ASAH2: variants seen among roughly 807,000 people sequenced by gnomAD.
The protein encoded by ASAH2 is neutral ceramidase.
In ASAH2, 58 loss-of-function variants were observed where a neutral mutation model predicts 82.9. The observed-to-expected ratio is 0.70, with a 90% CI of 0.57 to 0.87. The LOEUF (loss-of-function observed/expected upper bound fraction) is 0.87, where lower values mean the gene tolerates loss of function less well. Ranked by LOEUF, ASAH2 falls within the 40% of genes least tolerant of loss-of-function variation. ASAH2 has a pLI of 0.00. For synonymous variants in ASAH2, 276 were observed against 289.7 expected (o/e 0.95, Z 0.48); for missense variants, 779 against 834.0 (o/e 0.93, Z 0.81).
intron 7 of ASAH2, among the ~76,000 whole-genome samples, chr10:50,230,149 C>A (rs1273855005): frequency 2.6e-5 from 4 of 152,072 alleles, no homozygotes; most frequent in African/African-American, 4.8e-5. Context: ...TACATCATTC[C>A]AAGGAAGTAT....
At chr10:50,198,597 G>A (rs1159382763) in intron 17 of ASAH2, among the ~76,000 whole-genome samples, 1 of 151,580 alleles carries the variant, frequency 6.6e-6, no homozygotes, top group Non-Finnish European at 1.5e-5. Context: ...GTGGAAAATG[G>A]GCATCCTAGA....
chr10:50,231,141 C>G (rs1277807796), intron 7 of ASAH2, among the ~76,000 whole-genome samples: 1 of 151,926 alleles, frequency 6.6e-6, no homozygotes, highest in African/African-American at 2.4e-5. Flanking sequence ...AAGGGCGACT[C>G]TATCTCCTTG....
chr10:50,194,573 C>T (rs1383960974), intron 18 of ASAH2, among the ~76,000 whole-genome samples: 1 of 150,822 alleles, frequency 6.6e-6, no homozygotes, highest in Non-Finnish European at 1.5e-5. Flanking sequence ...CAAGAGTGTC[C>T]AGTCTCACAA....
In ASAH2 at chr10:50,210,892, T is replaced by C; in HGVS notation, c.1345A>G (p.Lys449Glu). 1 of 1,613,658 alleles carries C rather than the reference T, an allele frequency of 6.2e-7. No individual in the cohort carries two copies. The highest frequency in any genetic ancestry group is 1.1e-5 in the South Asian group (1 of 91,082). Residue 449 changes from lysine (K) to glutamate (E), a missense_variant, in exon 12 of 21, where the codon AAA (lysine) becomes GAA (glutamate). By Grantham distance (56) the Lys-to-Glu change is moderately conservative. Around this residue, in one of 3 missense-constraint regions of ASAH2, gnomAD observed 759 missense variants for 755.2 expected, o/e 1.00. Coordinates refer to ENST00000682911, the MANE Select transcript of ASAH2 (RefSeq NM_019893.4). Reference sequence around the variant, plus strand: ...GCAAAACTGTAGCCCAATGCTGGTTTACATGTTTTTGACTAAAGGAAAAGT... The same window carrying C: ...GCAAAACTGTAGCCCAATGCTGGTTCACATGTTTTTGACTAAAGGAAAAGT... ...LNSTHASKTC[K>E]PALGYSFAAG...
Position 50,206,097 on chromosome 10 carries a change from C to T in ASAH2, c.1415G>A (p.Gly472Glu). The T allele has an allele frequency of 6.2e-7, 1 of 1,606,186 alleles. No individual in the cohort carries two copies. Among genetic ancestry groups the T allele is most frequent in the Non-Finnish European group, 8.5e-7 (1 of 1,173,168 alleles). ...CCAAAATGGATCCCCTTCTGTTTTC[C>T]CTATTAGAAATGTTATAATTAGTAT... ...DGVGGLNFTQGKTEGDPFWDT... is the reference protein window; with the variant it reads ...DGVGGLNFTQEKTEGDPFWDT... Residue 472 changes from glycine (G) to glutamate (E), a missense_variant and splice_region_variant, in exon 13 of 21, where the codon GGG (glycine) becomes GAG (glutamate). Gly to Glu is a moderately conservative substitution (Grantham distance 98). Around this residue, in one of 3 missense-constraint regions of ASAH2, gnomAD observed 759 missense variants for 755.2 expected, o/e 1.00. Coordinates refer to ENST00000682911, the MANE Select transcript of ASAH2 (RefSeq NM_019893.4).
intron 18 of ASAH2, among the ~76,000 whole-genome samples, chr10:50,196,138 T>A (rs1262473034): frequency 1.3e-5 from 2 of 151,798 alleles, no homozygotes; most frequent in African/African-American, 4.8e-5. Flanking sequence ...TTTCAAAACA[T>A]CATCTTGTAC....
intron 7 of ASAH2, among the ~76,000 whole-genome samples, chr10:50,229,980 C>G (rs1845984193): frequency 6.6e-6 from 1 of 152,178 alleles, no homozygotes; most frequent in Admixed American, 6.6e-5. Context: ...GCAACTCCAT[C>G]TATATTTGTT....
chr10:50,214,627 A>G, intron 9 of ASAH2, 116 bp downstream of exon 9: 1 of 1,271,548 alleles, frequency 7.9e-7, no homozygotes, highest in Non-Finnish European at 1.1e-6. Flanking sequence ...GATGCTAGGG[A>G]GAACTAGGCC....
In ASAH2 at chr10:50,203,652, C is replaced by T. The variant is rs1845219733; in HGVS notation, c.1653G>A (p.Glu551=). ...ATTTTTAACTTACTGCTTGAACTGC[C>T]TCTCGAAGTCTTCGTCCAGACATGG... is the stretch of plus-strand genomic sequence containing the variant. The part of the protein sequence containing the change: ...FTTMSGRRLR[E]AVQAEFASHG... The change falls in exon 15 of 21, where the codon GAG becomes GAA. Residue 551 remains glutamate, a synonymous_variant. Coordinates refer to ENST00000682911, the MANE Select transcript of ASAH2 (RefSeq NM_019893.4). 1.2e-6 allele frequency: 2 copies of T among 1,612,340 alleles called. No individual in the cohort carries two copies. Among genetic ancestry groups the T allele is most frequent in the African/African-American group, 1.3e-5 (1 of 74,816 alleles).
chr10:50,234,695 C>G, intron 5 of ASAH2, 143 bp from the exon 6 acceptor site: 1 of 1,164,522 alleles, frequency 8.6e-7, no homozygotes, highest in Non-Finnish European at 1.3e-6. Context: ...GCTGGAGAAC[C>G]ACATCGCTGT....
chr10:50,203,734 C>T lies in ASAH2; in HGVS notation c.1626-55G>A, dbSNP rs1446060036. On this transcript the variant is annotated intron_variant, in intron 14 of 20. Transcript: ENST00000682911. ...TTTCCTACTAGACGTATGCAGAGTA[C>T]ACAGAAACACTGGCAGTGAAAGCCA... 5 of 1,520,234 alleles carry T rather than the reference C, an allele frequency of 3.3e-6. No homozygotes were observed. The African/African-American group carries it at 6.8e-5, about 21-fold the overall frequency. 94.2% of individuals were successfully genotyped at this position (1,520,234 alleles called of 1,614,324 possible).
intron 16 of ASAH2, among the ~76,000 whole-genome samples, chr10:50,202,497 T>A (rs1037569760): frequency 1.3e-5 from 2 of 152,050 alleles, no homozygotes; most frequent in Non-Finnish European, 2.9e-5. Context: ...TTTTCTCCAG[T>A]GCTACAGAGG....
intron 7 of ASAH2, among the ~76,000 whole-genome samples, chr10:50,221,729 T>C (rs559225314): frequency 6.7e-6 from 1 of 148,806 alleles, no homozygotes; most frequent in East Asian, 2.0e-4. Context: ...GATAGATAGA[T>C]AGATACAGAT....
At chr10:50,204,285 A>G (rs1361664570) in intron 14 of ASAH2, among the ~76,000 whole-genome samples, 1 of 152,064 alleles carries the variant, frequency 6.6e-6, no homozygotes, top group East Asian at 1.9e-4. Flanking sequence ...GAAGCAGACC[A>G]GACAGCAGGT....
rs1370881909 is a variant in ASAH2, at chr10:50,187,118, T to TCTCTCTCTCTCACATA, written c.*196_*197insTATGTGAGAGAGAGAG. 1 of 140,976 alleles carries TCTCTCTCTCTCACATA rather than the reference T, an allele frequency of 7.1e-6. No homozygotes were observed. Among genetic ancestry groups the TCTCTCTCTCTCACATA allele is most frequent in the Non-Finnish European group, 1.3e-5 (1 of 78,874 alleles). 8.7% of individuals were successfully genotyped at this position (140,976 alleles called of 1,614,324 possible). ...CTCTCTCTCTCTCTCTCTCTCTCTC[T>TCTCTCTCTCTCACATA]CACACACACACACACACACACACAC... is the stretch of plus-strand genomic sequence containing the variant. On this transcript the variant is annotated 3_prime_UTR_variant, in exon 21 of 21. Transcript: ENST00000682911.
chr10:50,218,760 AT>A, intron 7 of ASAH2, 130 bp from the exon 8 acceptor site: 2 of 1,012,720 alleles, frequency 2.0e-6, no homozygotes, highest in South Asian at 2.7e-5. Context: ...CTACATCTAC[AT>A]TCTTTCATTG....
chr10:50,213,166 T>C (rs1845506690), intron 9 of ASAH2, 108 bp from the exon 10 acceptor site: 2 of 1,039,212 alleles, frequency 1.9e-6, no homozygotes, highest in Non-Finnish European at 3.0e-6. Context: ...ACCACATTCT[T>C]GCATTTCTTT....
Position 50,202,846 on chromosome 10 carries a change from T to A in ASAH2, c.1744A>T (p.Thr582Ser). ...TGCTTTACCTGGTATTCTTCATAAG[T>A]GGTAATGTAATGTGTATAGACGTTG... ...LCNVYTHYIT[T>S]YEEYQAQRYE... Residue 582 changes from threonine to serine, a missense_variant, in exon 16 of 21, where the codon ACT (threonine) becomes TCT (serine). Physicochemically the swap from Thr to Ser is moderately conservative, Grantham distance 58 (BLOSUM62 1). Transcript: ENST00000682911. The A allele has an allele frequency of 6.2e-7, 1 of 1,608,852 alleles. No homozygotes were observed. The highest frequency in any genetic ancestry group is 8.5e-7 in the Non-Finnish European group (1 of 1,175,638).
At chr10:50,194,220 T>C (rs1490795599) in intron 18 of ASAH2, among the ~76,000 whole-genome samples, 1 of 151,212 alleles carries the variant, frequency 6.6e-6, no homozygotes, top group East Asian at 2.0e-4. Context: ...AAAAGAAAAC[T>C]AAAAATATCC....
Sources: allele counts gnomAD v4.1 joint callset (sites outside exome capture counted in the v4.1 genomes callset), GRCh38; gene constraint gnomAD v4.1.1; regional missense constraint gnomAD v4.1.1; transcripts MANE v1.5; gene names NCBI Gene and HGNC (gene_info 2026-07-23, HGNC 2026-07-21).